The following VAMP7 variants were observed in gnomAD, a reference collection of about 807,000 sequenced individuals.
The protein encoded by VAMP7 is vesicle associated membrane protein 7, also known as vesicle-associated membrane protein 7.
A neutral mutation model predicts 29.6 loss-of-function variants in VAMP7; 14 were observed. That is an observed-to-expected ratio of 0.47 (90% CI 0.31 to 0.74). The LOEUF (loss-of-function observed/expected upper bound fraction) is 0.74, where lower values mean the gene tolerates loss of function less well. VAMP7 is among the 30% of genes least tolerant of loss of function. The pLI is 0.05. For missense variants in VAMP7, 223 were observed against 262.4 expected (o/e 0.85, Z 1.04); for synonymous variants, 95 against 88.1 (o/e 1.08, Z -0.44).
At chrX:155,933,511 CTGA>C (rs1192276084) in intron 6 of VAMP7, among the ~76,000 whole-genome samples, 1 of 152,146 alleles carries the variant, frequency 6.6e-6, no homozygotes, top group Non-Finnish European at 1.5e-5. Flanking sequence ...GTAGTATTCT[CTGA>C]TGGTAGTTTG....
chrX:155,888,961 T>C (rs1302787838), intron 1 of VAMP7, among the ~76,000 whole-genome samples: 1 of 152,212 alleles, frequency 6.6e-6, no homozygotes, highest in Non-Finnish European at 1.5e-5. Context: ...AATTATAAAG[T>C]ATTTAAAATG....
At chrX:155,928,556 CAT>C (rs2066503558) in intron 6 of VAMP7, among the ~76,000 whole-genome samples, 1 of 152,126 alleles carries the variant, frequency 6.6e-6, no homozygotes. Context: ...TTCTCCTTTG[CAT>C]GTGTGTCAAG....
At position 155,882,227 on chromosome X, in the gene VAMP7, G is replaced by A. The variant is rs144311696; in HGVS notation, c.-10+779G>A. Among the ~76,000 whole-genome samples, 913 of 152,246 alleles carry A rather than the reference G, an allele frequency of 6.0e-3. 11 individuals carry two copies. The highest frequency in any genetic ancestry group is 0.021 in the African/African-American group (874 of 41,550). On this transcript the variant is annotated intron_variant, in intron 1 of 7. Coordinates refer to ENST00000286448, the MANE Select transcript of VAMP7 (RefSeq NM_005638.6). ...TACATTTAACAAATATTTATTGAAC[G>A]GCTGGTATATGCTTGACACTCTTTT...
At chrX:155,892,969 T>C (rs1485332758) in intron 2 of VAMP7, among the ~76,000 whole-genome samples, 5 of 151,934 alleles carry the variant, frequency 3.3e-5, no homozygotes, top group African/African-American at 1.2e-4. Flanking sequence ...GCCAGGCAGG[T>C]CTCGAACTCC....
At chrX:155,935,873 G>T (rs986611152) in intron 6 of VAMP7, among the ~76,000 whole-genome samples, 2 of 152,076 alleles carry the variant, frequency 1.3e-5, no homozygotes, top group Non-Finnish European at 2.9e-5. Flanking sequence ...TACAGATGGG[G>T]TTTTTGTGTG....
intron 4 of VAMP7, 89 bp from the exon 5 acceptor site, chrX:155,900,408 C>A: frequency 1.0e-6 from 1 of 971,744 alleles, no homozygotes; most frequent in South Asian, 1.6e-5. Flanking sequence ...TTATAGCATT[C>A]CTCAGTGTAA....
chrX:155,891,564 A>G, intron 2 of VAMP7, among the ~76,000 whole-genome samples: 1 of 152,334 alleles, frequency 6.6e-6, no homozygotes, highest in South Asian at 2.1e-4. Context: ...GAGAGTTACA[A>G]ACTCCCATTT....
intron 5 of VAMP7, among the ~76,000 whole-genome samples, chrX:155,913,136 C>CT (rs750206565): frequency 6.6e-6 from 1 of 151,932 alleles, no homozygotes; most frequent in Non-Finnish European, 1.5e-5. Context: ...TGATGATGAG[C>CT]TTTTTTTTCA....
intron 1 of VAMP7, among the ~76,000 whole-genome samples, chrX:155,882,849 T>C (rs1252582617): frequency 3.9e-5 from 6 of 152,062 alleles, no homozygotes; most frequent in Non-Finnish European, 8.8e-5. Flanking sequence ...ACTGGGAAAA[T>C]AGGGTAAAAT....
At chrX:155,896,016 C>T (rs2065982755) in intron 3 of VAMP7, among the ~76,000 whole-genome samples, 1 of 152,136 alleles carries the variant, frequency 6.6e-6, no homozygotes, top group Admixed American at 6.5e-5. Flanking sequence ...AACCATTCAC[C>T]CTCCCCCAGT....
intron 2 of VAMP7, among the ~76,000 whole-genome samples, chrX:155,893,635 CCTT>C (rs2065951318): frequency 6.6e-6 from 1 of 152,134 alleles, no homozygotes; most frequent in Admixed American, 6.5e-5. Flanking sequence ...CAGATGGCCA[CCTT>C]CTTGCTGTGT....
intron 5 of VAMP7, among the ~76,000 whole-genome samples, chrX:155,918,853 C>G (rs1372215081): frequency 1.3e-5 from 2 of 152,072 alleles, no homozygotes; most frequent in Non-Finnish European, 2.9e-5. Flanking sequence ...GGCTTTTATT[C>G]TCTATTCTAT....
chrX:155,935,807 G>T (rs1354508970), intron 6 of VAMP7, among the ~76,000 whole-genome samples: 1 of 152,004 alleles, frequency 6.6e-6, no homozygotes, highest in Non-Finnish European at 1.5e-5. Flanking sequence ...TTTTTCTGCT[G>T]TTTTTTTCCC....
rs2065959991 is a variant in VAMP7 at position 155,894,309 on chromosome X, T to G, written c.147-1314T>G. Among the ~76,000 whole-genome samples, 3 of 150,696 alleles carry G rather than the reference T, an allele frequency of 2.0e-5. No individual in the cohort carries two copies. In the East Asian group the frequency reaches 5.8e-4, roughly 29 times the overall value. ...TAGCCAATGTGTCCTTTGTTTTTTT[T>G]TTTTTTTTTTTTTTAATGTGTCCTT... On this transcript the variant is annotated intron_variant, in intron 2 of 7. Coordinates refer to ENST00000286448, the MANE Select transcript of VAMP7 (RefSeq NM_005638.6).
At chrX:155,921,495 T>G (rs758394367) in intron 6 of VAMP7, among the ~76,000 whole-genome samples, 1 of 152,282 alleles carries the variant, frequency 6.6e-6, no homozygotes, top group East Asian at 1.9e-4. Flanking sequence ...GTGTCTGGCC[T>G]CTTTCACTCA....
At chrX:155,939,833 A>G in intron 7 of VAMP7, 40 bp downstream of exon 7, 2 of 1,462,134 alleles carry the variant, frequency 1.4e-6, no homozygotes, top group South Asian at 1.1e-5. Flanking sequence ...TTATTTTTCA[A>G]TCTCTAAGAA....
intron 6 of VAMP7, among the ~76,000 whole-genome samples, chrX:155,920,357 T>G (rs944415794): frequency 6.6e-6 from 1 of 152,162 alleles, no homozygotes; most frequent in Non-Finnish European, 1.5e-5. Context: ...AAGGAGACAA[T>G]GTGTCCTTGT....
intron 2 of VAMP7, among the ~76,000 whole-genome samples, chrX:155,893,732 C>T (rs2065952505): frequency 6.6e-6 from 1 of 152,170 alleles, no homozygotes; most frequent in African/African-American, 2.4e-5. Flanking sequence ...ACCCTCATGA[C>T]CTCATCTAAT....
chrX:155,941,410 T>G (rs2124415491), intron 7 of VAMP7, among the ~76,000 whole-genome samples: 1 of 152,286 alleles, frequency 6.6e-6, no homozygotes, highest in African/African-American at 2.4e-5. Flanking sequence ...AGCAGTGTTC[T>G]TGCTCATAAG....
Sources: allele counts gnomAD v4.1 joint callset (sites outside exome capture counted in the v4.1 genomes callset), GRCh38; gene constraint gnomAD v4.1.1; transcripts MANE v1.5; gene names NCBI Gene and HGNC (gene_info 2026-07-23, HGNC 2026-07-21).